LARP6: variants seen among roughly 807,000 people sequenced by gnomAD.
LARP6 encodes the protein la-related protein 6.
A neutral mutation model predicts 32.8 loss-of-function variants in LARP6; 18 were observed. The ratio of observed to expected loss-of-function variants is 0.55; its 90% confidence interval spans 0.38 to 0.81. The LOEUF (loss-of-function observed/expected upper bound fraction) is 0.81, where lower values mean the gene tolerates loss of function less well. LARP6 is among the 40% of genes least tolerant of loss of function. The pLI is 0.00. For missense variants in LARP6, 598 were observed against 663.1 expected (o/e 0.90, Z 1.08); for synonymous variants, 289 against 267.2 (o/e 1.08, Z -0.80).
chr15:70,832,993 C>T lies in LARP6; in HGVS notation c.535G>A (p.Glu179Lys), dbSNP rs2032083053. The change falls in exon 3 of 3, where the codon GAG becomes AAG. Residue 179 changes from glutamate (E) to lysine (K), a missense_variant. Around this residue, in one of 3 missense-constraint regions of LARP6, gnomAD observed 69 missense variants for 116.7 expected, o/e 0.59. Transcript: ENST00000299213. ...AGGAGCATCTTGCTGGGGAGGTTCT[C>T]GTTGGGGAACAGTGGGACGGGGGTG... ...RTTPVPLFPN[E>K]NLPSKMLLVY... 1.9e-6 allele frequency: 3 copies of T among 1,612,192 alleles called. No individual in the cohort carries two copies. Among genetic ancestry groups the T allele is most frequent in the African/African-American group, 1.3e-5 (1 of 75,002 alleles).
rs1249432395 is a variant in LARP6 at position 70,831,122 on chromosome 15, A to C, written c.*930T>G. 1.3e-5 allele frequency: 2 copies of C among 152,230 alleles called. No individual in the cohort carries two copies. Among genetic ancestry groups the C allele is most frequent in the Non-Finnish European group, 2.9e-5 (2 of 68,088 alleles). 9.4% of individuals were successfully genotyped at this position (152,230 alleles called of 1,614,324 possible). A position where few individuals can be genotyped will look rare whatever the true frequency, so the allele number is the denominator to read the frequency against. On this transcript the variant is annotated 3_prime_UTR_variant, in exon 3 of 3. Transcript: ENST00000299213. ...CCAGGCCTTTCTCCCAGACTTTCTA[A>C]TTCAGTGGGCCTAGGGTTGGCCTGA...
rs755592693 is a variant in LARP6 at position 70,832,451 on chromosome 15, G to A, written c.1077C>T (p.Asn359=). 6.4e-7 allele frequency: 1 copy of A among 1,560,916 alleles called. No homozygotes were observed. Among genetic ancestry groups the A allele is most frequent in the East Asian group, 2.2e-5 (1 of 44,562 alleles). Residue 359 remains asparagine, a synonymous_variant, in exon 3 of 3, where the codon AAC becomes AAT. Transcript: ENST00000299213. ...PMAGRRHAAT[N]KLSPSGHQNL... ...TCTGGTGGCCAGACGGGCTGAGCTT[G>A]TTGGTGGCCGCGTGCCGTCGGCCCG...
intron 1 of LARP6, 128 bp from the exon 2 acceptor site, chr15:70,836,633 AG>A (rs2032153620): frequency 1.4e-6 from 1 of 709,112 alleles, no homozygotes. Context: ...GGGTCACTGC[AG>A]ATGCAATTAA....
intron 1 of LARP6, among the ~76,000 whole-genome samples, chr15:70,848,369 C>T (rs1189392764): frequency 1.3e-5 from 2 of 152,116 alleles, no homozygotes; most frequent in Admixed American, 6.5e-5. Flanking sequence ...AATAATGATT[C>T]GTAGTTTGGA....
chr15:70,832,283 C>T lies in LARP6; in HGVS notation c.1245G>A (p.Lys415=), dbSNP rs1471457340. ...TGCTGTCAGAGGAATAATCCATACA[C>T]TTGCGGAAGATCTCAGGGCTGGTGC... ...NCSTSPEIFR[K]CMDYSSDSSV... Residue 415 remains lysine, a synonymous_variant, in exon 3 of 3, where the codon AAG becomes AAA. Transcript: ENST00000299213. 6.2e-7 allele frequency: 1 copy of T among 1,614,126 alleles called. No individual in the cohort carries two copies. The highest frequency in any genetic ancestry group is 1.3e-5 in the African/African-American group (1 of 74,944).
chr15:70,837,313 G>A (rs1457379001), intron 1 of LARP6, among the ~76,000 whole-genome samples: 4 of 152,026 alleles, frequency 2.6e-5, no homozygotes, highest in African/African-American at 9.7e-5. Context: ...AACCCGGGAG[G>A]TCTAGGTCAC....
At chr15:70,836,561 A>G in intron 1 of LARP6, 56 bp from the exon 2 acceptor site, 3 of 1,443,244 alleles carry the variant, frequency 2.1e-6, no homozygotes, top group Admixed American at 1.7e-5. Context: ...GTGTCCCCCA[A>G]AAATTCATAT....
Position 70,832,648 on chromosome 15 carries a change from T to G in LARP6, c.880A>C (p.Lys294Gln), listed in dbSNP as rs753078392. 6.2e-7 allele frequency: 1 copy of G among 1,610,154 alleles called. No homozygotes were observed. The highest frequency in any genetic ancestry group is 8.5e-7 in the Non-Finnish European group (1 of 1,178,964). The change falls in exon 3 of 3, where the codon AAG (lysine) becomes CAG (glutamine). Residue 294 changes from lysine (K) to glutamine (Q), a missense_variant. Coordinates refer to ENST00000299213, the MANE Select transcript of LARP6 (RefSeq NM_018357.4). ...ENMKAVLIGM[K>Q]PPKKKPAKDK... Reference sequence around the variant, plus strand: ...TTGGCAGGTTTCTTTTTGGGTGGCTTCATACCAATCAGGACAGCTTTCATG... The same window carrying G: ...TTGGCAGGTTTCTTTTTGGGTGGCTGCATACCAATCAGGACAGCTTTCATG...
chr15:70,832,173 G>A lies in LARP6; in HGVS notation c.1355C>T (p.Pro452Leu). The A allele has an allele frequency of 6.2e-7, 1 of 1,613,828 alleles. No individual in the cohort carries two copies. The change falls in exon 3 of 3, where the codon CCC becomes CTC. Residue 452 changes from proline (P) to leucine (L), a missense_variant. Pro to Leu is a moderately conservative substitution (Grantham distance 98). Coordinates refer to ENST00000299213, the MANE Select transcript of LARP6 (RefSeq NM_018357.4). ...GTQEKSPGTS[P>L]LLSRKMQTAD... ...AGTCTGCATCTTCCGGGAGAGCAGG[G>A]GACTCGTACCGGGGCTTTTCTCCTG...
chr15:70,836,194 T>C, intron 2 of LARP6, 101 bp downstream of exon 2: 1 of 916,220 alleles, frequency 1.1e-6, no homozygotes, highest in Non-Finnish European at 1.7e-6. Flanking sequence ...TTTTAAAAAT[T>C]GTTCGTCATC....
intron 1 of LARP6, among the ~76,000 whole-genome samples, chr15:70,838,147 T>C (rs1217439196): frequency 6.6e-6 from 1 of 152,208 alleles, no homozygotes; most frequent in Non-Finnish European, 1.5e-5. Flanking sequence ...TCAAAATGTT[T>C]CTGATTTTAG....
intron 1 of LARP6, among the ~76,000 whole-genome samples, chr15:70,840,693 T>C (rs1489947526): frequency 6.6e-6 from 1 of 151,050 alleles, no homozygotes. Context: ...CGGTGAAGAG[T>C]TTTGAGCAGA....
In LARP6 at chr15:70,832,565, G is replaced by T. The variant is rs2032068066; in HGVS notation, c.963C>A (p.Asn321Lys). The part of the protein sequence containing the change: ...TASIHLNKSL[N>K]KRVEELQYMG... ...TGTACTGAAGCTCCTCGACTCTCTT[G>T]TTCAGGGACTTGTTCAGGTGGATGC... Residue 321 changes from asparagine (N) to lysine (K), a missense_variant, in exon 3 of 3, where the codon AAC (asparagine) becomes AAA (lysine). Asn to Lys is a moderately conservative substitution (Grantham distance 94). Transcript: ENST00000299213. The T allele has an allele frequency of 1.9e-6, 3 of 1,573,362 alleles. No individual in the cohort carries two copies. Among genetic ancestry groups the T allele is most frequent in the Non-Finnish European group, 2.6e-6 (3 of 1,164,526 alleles).
intron 1 of LARP6, among the ~76,000 whole-genome samples, chr15:70,850,558 G>A (rs2032430384): frequency 6.6e-6 from 1 of 152,218 alleles, no homozygotes; most frequent in African/African-American, 2.4e-5. Context: ...ATCAATAAGT[G>A]TGATACATCA....
chr15:70,845,459 C>T (rs998555974), intron 1 of LARP6, among the ~76,000 whole-genome samples: 1 of 152,114 alleles, frequency 6.6e-6, no homozygotes, highest in Non-Finnish European at 1.5e-5. Flanking sequence ...GGCGGGAGGA[C>T]CACAGAGGTA....
intron 1 of LARP6, chr15:70,851,856 C>A: frequency 7.0e-7 from 1 of 1,438,134 alleles, no homozygotes; most frequent in Non-Finnish European, 9.4e-7. Flanking sequence ...GGAGAAGAGG[C>A]AGCGAAGTTT....
Position 70,833,563 on chromosome 15 carries a change from C to T in LARP6, c.412-447G>A, listed in dbSNP as rs547944724. Among the ~76,000 whole-genome samples, 29 of 152,226 alleles carry T rather than the reference C, an allele frequency of 1.9e-4. No individual in the cohort carries two copies. The East Asian group carries it at 3.3e-3, about 17-fold the overall frequency. ...TCAAAGAGCTGTCCTGAGGATTAAACGAATCAATATATACATGTACATATG... is the reference window on the plus strand; with the variant it reads ...TCAAAGAGCTGTCCTGAGGATTAAATGAATCAATATATACATGTACATATG... On this transcript the variant is annotated intron_variant, in intron 2 of 2. Transcript: ENST00000299213.
In LARP6 at chr15:70,832,804, C is replaced by T; in HGVS notation, c.724G>A (p.Asp242Asn). Residue 242 changes from aspartate to asparagine, a missense_variant, in exon 3 of 3, where the codon GAC (aspartate) becomes AAC (asparagine). Asp to Asn is a conservative substitution (Grantham distance 23). Transcript: ENST00000299213. ...ILKPGRELPP[D>N]IRRISSRYSQ... ...TAGCGGCTGCTGATCCTCCGGATGT[C>T]AGGGGGCAGCTCTCTCCCAGGTTTG... 1.9e-6 allele frequency: 3 copies of T among 1,612,250 alleles called. No individual in the cohort carries two copies. Among genetic ancestry groups the T allele is most frequent in the Non-Finnish European group, 2.5e-6 (3 of 1,179,308 alleles).
At position 70,848,904 on chromosome 15, in the gene LARP6, A is replaced by C. The variant is rs1269796474; in HGVS notation, c.200+4985T>G. 7 of 152,314 alleles carry C rather than the reference A, an allele frequency of 4.6e-5. No homozygotes were observed. In the East Asian group the frequency reaches 9.6e-4, roughly 21 times the overall value. The allele number at this position is 152,314 out of a possible 1,614,324, so 9.4% of individuals were successfully genotyped here. A position where few individuals can be genotyped will look rare whatever the true frequency, so the allele number is the denominator to read the frequency against. ...GTTCATATTAATATTTAATATTATA[A>C]CTTTGAATCATTTTTACACATTGTA... On this transcript the variant is annotated intron_variant, in intron 1 of 2. Transcript: ENST00000299213.
Sources: gnomAD v4.1 joint callset for allele counts (sites outside exome capture counted in the v4.1 genomes callset) on GRCh38, gnomAD v4.1.1 for gene constraint, gnomAD v4.1.1 regional missense constraint, MANE v1.5 for transcripts, NCBI Gene and HGNC (gene_info 2026-07-23, HGNC 2026-07-21) for gene names.